PCSK2: variants seen among roughly 807,000 people sequenced by gnomAD.
The protein encoded by PCSK2 is proprotein convertase subtilisin/kexin type 2.
PCSK2 carries 14 observed loss-of-function variants against 69.7 expected under a neutral mutation model. The ratio of observed to expected loss-of-function variants is 0.20; its 90% CI spans 0.13 to 0.31. The LOEUF (loss-of-function observed/expected upper bound fraction) is 0.31, where lower values mean the gene tolerates loss of function less well. Ranked by LOEUF, PCSK2 falls within the 10% of genes least tolerant of loss-of-function variation. The pLI is 1.00. For missense variants in PCSK2, 544 were observed against 842.5 expected, an observed-to-expected ratio of 0.65 and a Z score of 4.39; for synonymous variants, 307 against 320.7, an observed-to-expected ratio of 0.96 and a Z score of 0.46.
chr20:17,313,794 A>G (rs1365489237), intron 2 of PCSK2, among the ~76,000 whole-genome samples: 1 of 152,226 alleles, frequency 6.6e-6, no homozygotes, highest in Non-Finnish European at 1.5e-5. Flanking sequence ...AGGCTGGAAG[A>G]TAAGAGTAGT....
intron 2 of PCSK2, among the ~76,000 whole-genome samples, chr20:17,318,779 A>G: frequency 6.6e-6 from 1 of 152,218 alleles, no homozygotes; most frequent in Non-Finnish European, 1.5e-5. Flanking sequence ...AATAAGCTAC[A>G]GGGCCACAAT....
chr20:17,425,560 G>T (rs558260804), intron 6 of PCSK2, among the ~76,000 whole-genome samples: 1 of 152,234 alleles, frequency 6.6e-6, no homozygotes, highest in Non-Finnish European at 1.5e-5. Flanking sequence ...AAAATTATAG[G>T]AATAATCAAT....
At chr20:17,240,868 C>G (rs1170572169) in intron 1 of PCSK2, among the ~76,000 whole-genome samples, 1 of 152,174 alleles carries the variant, frequency 6.6e-6, no homozygotes, top group African/African-American at 2.4e-5. Flanking sequence ...CTCATTCAGT[C>G]TGGAAAGCTG....
intron 6 of PCSK2, among the ~76,000 whole-genome samples, chr20:17,414,896 A>G (rs1473861902): frequency 1.3e-5 from 2 of 152,202 alleles, no homozygotes; most frequent in African/African-American, 4.8e-5. Flanking sequence ...CAAATCAGTA[A>G]ACGTAATCCA....
At chr20:17,302,852 C>T (rs748798156) in intron 2 of PCSK2, among the ~76,000 whole-genome samples, 36 of 152,246 alleles carry the variant, frequency 2.4e-4, no homozygotes, top group Admixed American at 7.9e-4. Flanking sequence ...TGTTGTTATT[C>T]TTGTCTCCTG....
At chr20:17,355,038 T>C (rs887737933) in intron 2 of PCSK2, among the ~76,000 whole-genome samples, 3 of 152,212 alleles carry the variant, frequency 2.0e-5, no homozygotes, top group Non-Finnish European at 2.9e-5. Context: ...GTCTCAAGAC[T>C]CCTAAATTGC....
chr20:17,406,884 C>T (rs2031763095), intron 5 of PCSK2, among the ~76,000 whole-genome samples: 1 of 152,148 alleles, frequency 6.6e-6, no homozygotes, highest in Non-Finnish European at 1.5e-5. Flanking sequence ...TCAAAAGATT[C>T]ATACAGCCTT....
At chr20:17,401,343 G>T (rs2031632402) in intron 5 of PCSK2, among the ~76,000 whole-genome samples, 1 of 152,132 alleles carries the variant, frequency 6.6e-6, no homozygotes, top group Non-Finnish European at 1.5e-5. Flanking sequence ...TCTGGTGAAG[G>T]CCTGTTCCTC....
intron 6 of PCSK2, among the ~76,000 whole-genome samples, chr20:17,428,932 G>A (rs931414912): frequency 3.8e-5 from 5 of 131,316 alleles, no homozygotes; most frequent in Admixed American, 2.7e-4. Flanking sequence ...CCAGGAAGTC[G>A]AAGCTGCAGT....
rs1029987284 is a variant in PCSK2, at chr20:17,483,979, A to G, written c.*1909A>G. On this transcript the variant is annotated 3_prime_UTR_variant, in exon 12 of 12. Coordinates refer to ENST00000262545, the MANE Select transcript of PCSK2 (RefSeq NM_002594.5). ...CATACACTTGTATAAATGTATATAC[A>G]CATATACCTATAATGTGTGTATGTG... The G allele has an allele frequency of 1.3e-5, 2 of 152,558 alleles. No individual in the cohort carries two copies. Among genetic ancestry groups the G allele is most frequent in the Non-Finnish European group, 2.9e-5 (2 of 68,010 alleles). 9.5% of individuals were successfully genotyped at this position (152,558 alleles called of 1,614,324 possible).
chr20:17,422,011 A>G (rs2032141783), intron 6 of PCSK2, among the ~76,000 whole-genome samples: 1 of 152,140 alleles, frequency 6.6e-6, no homozygotes, highest in Non-Finnish European at 1.5e-5. Flanking sequence ...TAGTTTGTTC[A>G]GAGTGATAAA....
At chr20:17,437,138 G>A (rs1014216656) in intron 8 of PCSK2, among the ~76,000 whole-genome samples, 4 of 19,430 alleles carry the variant, frequency 2.1e-4, no homozygotes, top group Admixed American at 6.0e-4. Context: ...GGAAGGGGCC[G>A]GGGGGGGGAG....
At chr20:17,260,391 T>C in intron 2 of PCSK2, 47 bp downstream of exon 2, 2 of 1,326,220 alleles carry the variant, frequency 1.5e-6, no homozygotes, top group Non-Finnish European at 2.2e-6. Flanking sequence ...CTGCCATGGC[T>C]GAGCCCACCA....
At chr20:17,304,076 T>C (rs1372395656) in intron 2 of PCSK2, among the ~76,000 whole-genome samples, 1 of 151,810 alleles carries the variant, frequency 6.6e-6, no homozygotes. Context: ...GGAAAGTTAC[T>C]TCACCTCTGT....
At chr20:17,376,779 C>G (rs563824126) in intron 5 of PCSK2, among the ~76,000 whole-genome samples, 3 of 152,212 alleles carry the variant, frequency 2.0e-5, no homozygotes, top group Non-Finnish European at 4.4e-5. Flanking sequence ...GAAGTGTGTA[C>G]TTTGTAAGTG....
intron 5 of PCSK2, among the ~76,000 whole-genome samples, chr20:17,397,302 T>A (rs1306584211): frequency 6.6e-6 from 1 of 152,218 alleles, no homozygotes; most frequent in South Asian, 2.1e-4. Context: ...TAATTGGGTG[T>A]GTTTTAAAAT....
chr20:17,268,062 T>TATATATATAA (rs1403191827), intron 2 of PCSK2, among the ~76,000 whole-genome samples: 4 of 146,684 alleles, frequency 2.7e-5, no homozygotes, highest in South Asian at 2.1e-4. Flanking sequence ...TATATATATA[T>TATATATATAA]AATGCATTTA....
chr20:17,460,900 C>T (rs1462443948), intron 10 of PCSK2, among the ~76,000 whole-genome samples: 2 of 152,200 alleles, frequency 1.3e-5, no homozygotes. Context: ...TTTACATTTA[C>T]ATCCTGCAAC....
intron 5 of PCSK2, among the ~76,000 whole-genome samples, chr20:17,395,630 C>G (rs1187783478): frequency 6.6e-6 from 1 of 152,142 alleles, no homozygotes; most frequent in Non-Finnish European, 1.5e-5. Flanking sequence ...TGCTGTGGGG[C>G]TCACACAAAA....
Sources: gnomAD v4.1 joint callset for allele counts (sites outside exome capture counted in the v4.1 genomes callset) on GRCh38, gnomAD v4.1.1 for gene constraint, MANE v1.5 for transcripts, NCBI Gene and HGNC (gene_info 2026-07-23, HGNC 2026-07-21) for gene names.